RASSF4: variants seen among roughly 807,000 people sequenced by gnomAD.
RASSF4 encodes the protein ras association domain-containing protein 4.
RASSF4 carries 38 observed loss-of-function variants against 41.1 expected under a neutral mutation model. The ratio of observed to expected loss-of-function variants is 0.92; its 90% CI spans 0.71 to 1.21. RASSF4 has a LOEUF of 1.21. Among genes scored for constraint, RASSF4 ranks in the 50% most tolerant of loss-of-function variants. RASSF4 has a pLI of 0.00. For synonymous variants in RASSF4, 179 were observed against 163.4 expected (o/e 1.10, Z -0.73); for missense variants, 414 against 419.4 (o/e 0.99, Z 0.11).
At chr10:44,977,615 A>G in intron 3 of RASSF4, 7 of 1,613,196 alleles carry the variant, frequency 4.3e-6, no homozygotes, top group East Asian at 2.2e-5. Context: ...GCTGCTGTCC[A>G]TCTGTCTATG....
Position 44,982,557 on chromosome 10 carries a change from A to G in RASSF4, c.175A>G (p.Ile59Val). The change falls in exon 4 of 11, where the codon ATT becomes GTT. Residue 59 changes from isoleucine (I) to valine (V), a missense_variant. Transcript: ENST00000340258. ...GTLIIEGLLN[I>V]AWGLRRPIRL... ...TCTGATCATCGAGGGGCTCCTCAACATTGCCTGGGGGCTGAGGCGGCCCAT... is the reference window on the plus strand; with the variant it reads ...TCTGATCATCGAGGGGCTCCTCAACGTTGCCTGGGGGCTGAGGCGGCCCAT... 6.2e-7 allele frequency: 1 copy of G among 1,612,666 alleles called. No homozygotes were observed. The highest frequency in any genetic ancestry group is 8.5e-7 in the Non-Finnish European group (1 of 1,179,286).
intron 3 of RASSF4, chr10:44,978,101 C>T: frequency 1.3e-6 from 2 of 1,537,180 alleles, no homozygotes; most frequent in East Asian, 2.3e-5. Context: ...CCATGCGTCC[C>T]ACCGCCCCTC....
chr10:44,988,137 G>T (rs1048769587), intron 6 of RASSF4, among the ~76,000 whole-genome samples: 1 of 152,100 alleles, frequency 6.6e-6, no homozygotes, highest in African/African-American at 2.4e-5. Context: ...CCAGCACCAG[G>T]GGGGTAACAT....
At chr10:44,992,651 G>C (rs778858997) in intron 10 of RASSF4, among the ~76,000 whole-genome samples, 17 of 152,208 alleles carry the variant, frequency 1.1e-4, no homozygotes, top group Non-Finnish European at 1.6e-4. Context: ...GGCTGGTGGG[G>C]AGGCAGCTAG....
chr10:44,993,488 C>G lies in RASSF4; in HGVS notation c.*159C>G. ...TGAAGCCTGAGCACCATGATTCCCACAGCCAGCTCTTGGCTCCAAGATGAG... is the reference window on the plus strand; with the variant it reads ...TGAAGCCTGAGCACCATGATTCCCAGAGCCAGCTCTTGGCTCCAAGATGAG... On this transcript the variant is annotated 3_prime_UTR_variant, in exon 11 of 11. Transcript: ENST00000340258. 1.6e-6 allele frequency: 1 copy of G among 632,346 alleles called. No individual in the cohort carries two copies. Among genetic ancestry groups the G allele is most frequent in the Non-Finnish European group, 2.8e-6 (1 of 358,036 alleles). The allele number at this position is 632,346 out of a possible 1,614,324, so 39.2% of individuals were successfully genotyped here.
rs985677027 is a variant in RASSF4, at chr10:44,972,125, C to G, written c.138+277C>G. Among the ~76,000 whole-genome samples the G allele has an allele frequency of 3.3e-5, 5 of 152,302 alleles. No homozygotes were observed. In the East Asian group the frequency reaches 9.6e-4, roughly 29 times the overall value. ...ACCTTGGGGGTCTTCCCCCTTTCCC[C>G]TTCCCCCGAGACCTTTGTCCATGTG... On this transcript the variant is annotated intron_variant, in intron 3 of 10. Transcript: ENST00000340258.
intron 3 of RASSF4, among the ~76,000 whole-genome samples, chr10:44,972,611 G>A (rs772624219): frequency 1.3e-5 from 2 of 152,246 alleles, no homozygotes; most frequent in Non-Finnish European, 2.9e-5. Context: ...CACCCACTGG[G>A]CAGGGCAAGT....
chr10:44,977,476 TTGGGCAGAC>T, intron 3 of RASSF4: 1 of 1,612,786 alleles, frequency 6.2e-7, no homozygotes, highest in Non-Finnish European at 8.5e-7. Flanking sequence ...AGGCCATGGC[TTGGGCAGAC>T]TGCCCAAAAG....
At chr10:44,974,027 G>A (rs1185437644) in intron 3 of RASSF4, among the ~76,000 whole-genome samples, 12 of 152,188 alleles carry the variant, frequency 7.9e-5, no homozygotes, top group Admixed American at 7.8e-4. Context: ...CCGGCCTGAA[G>A]AAGTGTGTGT....
chr10:44,978,097 G>A (rs1304461730), intron 3 of RASSF4: 16 of 1,546,676 alleles, frequency 1.0e-5, no homozygotes, highest in East Asian at 2.3e-5. Context: ...CCTGCCATGC[G>A]TCCCACCGCC....
At chr10:44,987,396 C>A (rs1167758856) in intron 6 of RASSF4, among the ~76,000 whole-genome samples, 1 of 152,086 alleles carries the variant, frequency 6.6e-6, no homozygotes, top group Non-Finnish European at 1.5e-5. Flanking sequence ...TGCACCTGGC[C>A]CTCTCTTCCA....
intron 3 of RASSF4, among the ~76,000 whole-genome samples, chr10:44,979,254 C>T (rs947772150): frequency 6.6e-6 from 1 of 152,206 alleles, no homozygotes; most frequent in Non-Finnish European, 1.5e-5. Context: ...GAGAGACACA[C>T]CCTGCTCGCA....
At chr10:44,964,321 T>C (rs1345442716) in intron 1 of RASSF4, among the ~76,000 whole-genome samples, 1 of 152,148 alleles carries the variant, frequency 6.6e-6, no homozygotes. Context: ...GGGGACAGAG[T>C]GTCCTCCAGC....
chr10:44,984,451 C>T, intron 5 of RASSF4: 2 of 497,090 alleles, frequency 4.0e-6, no homozygotes, highest in Non-Finnish European at 7.2e-6. Flanking sequence ...CGTCCTCACC[C>T]TCTGTACCTG....
In RASSF4 at chr10:44,995,578, G is replaced by C. The variant is rs566816327; in HGVS notation, c.*2249G>C. 10 of 152,236 alleles carry C rather than the reference G, an allele frequency of 6.6e-5. No homozygotes were observed. The allele number at this position is 152,236 out of a possible 1,614,324, so 9.4% of individuals were successfully genotyped here. Reference sequence around the variant, plus strand: ...GGTGTTATCAATCTAATTTCTGAACGTTATGGGTCAGAAAAATCACTAGCA... The same window carrying C: ...GGTGTTATCAATCTAATTTCTGAACCTTATGGGTCAGAAAAATCACTAGCA... On this transcript the variant is annotated 3_prime_UTR_variant, in exon 11 of 11. Transcript: ENST00000340258.
chr10:44,988,368 C>A (rs912172169), intron 6 of RASSF4, among the ~76,000 whole-genome samples: 2 of 152,108 alleles, frequency 1.3e-5, no homozygotes, highest in African/African-American at 4.8e-5. Flanking sequence ...TGAGGACGGA[C>A]CTATTATGTG....
chr10:44,993,034 A>G (rs1050580192), intron 10 of RASSF4, among the ~76,000 whole-genome samples: 18 of 152,144 alleles, frequency 1.2e-4, no homozygotes, highest in African/African-American at 4.1e-4. Flanking sequence ...TGTTGTCTGT[A>G]TTAGAGTCTG....
Position 44,989,665 on chromosome 10 carries a change from T to C in RASSF4, c.634-5T>C, listed in dbSNP as rs770398663. ...TGATCTGACTTCCTGTGACTGCCTG[T>C]GCAGGTGGAAGATGGCCCCAGTGAG... On this transcript the variant is annotated splice_polypyrimidine_tract_variant and splice_region_variant and intron_variant, in intron 7 of 10. Coordinates refer to ENST00000340258, the MANE Select transcript of RASSF4 (RefSeq NM_032023.4). 24 of 1,614,040 alleles carry C rather than the reference T, an allele frequency of 1.5e-5. No homozygotes were observed. Among genetic ancestry groups the C allele is most frequent in the Non-Finnish European group, 1.8e-5 (21 of 1,179,972 alleles).
intron 4 of RASSF4, 25 bp downstream of exon 4, chr10:44,982,688 C>G (rs1040384857): frequency 6.2e-7 from 1 of 1,608,088 alleles, no homozygotes; most frequent in Non-Finnish European, 8.5e-7. Flanking sequence ...GCTTCTGTGA[C>G]ACCTGCTCAG....
Sources: allele counts gnomAD v4.1 joint callset (sites outside exome capture counted in the v4.1 genomes callset), GRCh38; gene constraint gnomAD v4.1.1; transcripts MANE v1.5; gene names NCBI Gene and HGNC (gene_info 2026-07-23, HGNC 2026-07-21).